Variants in PCCB observed in about 807,000 individuals in gnomAD.
PCCB encodes propionyl-CoA carboxylase subunit beta.
PCCB carries 43 observed loss-of-function variants against 60.7 expected under a neutral mutation model. The ratio of observed to expected loss-of-function variants is 0.71; its 90% CI spans 0.55 to 0.91. The LOEUF is 0.91. Among genes scored for constraint, PCCB ranks in the 40% least tolerant of loss-of-function variants. The pLI, the probability that PCCB is intolerant of heterozygous loss-of-function variation, is 0.00. For synonymous variants in PCCB, 276 were observed against 255.9 expected (o/e 1.08, Z -0.75); for missense variants, 766 against 702.8 (o/e 1.09, Z -1.02).
At chr3:136,298,614 C>A (rs1030789067) in intron 8 of PCCB, among the ~76,000 whole-genome samples, 1 of 152,198 alleles carries the variant, frequency 6.6e-6, no homozygotes, top group African/African-American at 2.4e-5. Context: ...TAGCCAGAGG[C>A]TGGGACAGTC....
intron 6 of PCCB, among the ~76,000 whole-genome samples, chr3:136,286,609 C>T (rs1933420960): frequency 6.6e-6 from 1 of 152,216 alleles, no homozygotes; most frequent in Non-Finnish European, 1.5e-5. Context: ...GTTGGCTTTA[C>T]TTTAGAATAT....
Position 136,315,110 on chromosome 3 carries a change from A to C in PCCB, c.967-1831A>C, listed in dbSNP as rs199597392. 4.6e-5 allele frequency among the ~76,000 whole-genome samples: 7 copies of C among 152,360 alleles called. No individual in the cohort carries two copies. The East Asian group carries it at 1.2e-3, about 25-fold the overall frequency. On this transcript the variant is annotated intron_variant, in intron 9 of 14. Transcript: ENST00000251654. ...AAGACAAAGATGGAGGGGGAAAGTT[A>C]AAGGAGCCTAAAGAGATATAACCAC... is the stretch of plus-strand genomic sequence containing the variant.
chr3:136,276,453 T>G (rs980612321), intron 5 of PCCB, among the ~76,000 whole-genome samples: 2 of 152,176 alleles, frequency 1.3e-5, no homozygotes, highest in Non-Finnish European at 2.9e-5. Flanking sequence ...CCAGACTCGC[T>G]CCTGCCCTAG....
At chr3:136,307,748 A>G (rs1372398967) in intron 9 of PCCB, among the ~76,000 whole-genome samples, 1 of 151,832 alleles carries the variant, frequency 6.6e-6, no homozygotes. Flanking sequence ...GGCTGAGGCG[A>G]GCAGATCACC....
At chr3:136,251,042 G>A (rs181512535) in intron 1 of PCCB, among the ~76,000 whole-genome samples, 1 of 152,322 alleles carries the variant, frequency 6.6e-6, no homozygotes, top group East Asian at 1.9e-4. Flanking sequence ...AATGGGGGAT[G>A]TGCGCGTGCA....
intron 1 of PCCB, among the ~76,000 whole-genome samples, chr3:136,253,636 C>T (rs1354509663): frequency 4.0e-5 from 6 of 150,706 alleles, no homozygotes; most frequent in Admixed American, 6.6e-5. Context: ...CCTCCCATCT[C>T]GGCCTCCCAA....
intron 10 of PCCB, chr3:136,326,399 G>A (rs1321703163): frequency 1.4e-6 from 1 of 702,772 alleles, no homozygotes; most frequent in East Asian, 2.7e-5. Flanking sequence ...AGGAACCTTA[G>A]GTCAAAAGGC....
At chr3:136,311,401 G>T (rs1260420698) in intron 9 of PCCB, among the ~76,000 whole-genome samples, 1 of 152,062 alleles carries the variant, frequency 6.6e-6, no homozygotes, top group Non-Finnish European at 1.5e-5. Flanking sequence ...ACCCAGGATG[G>T]AGTGCAGTGA....
rs982512877 is a variant in PCCB, at chr3:136,298,043, G to A, written c.855G>A (p.Pro285=). The A allele has an allele frequency of 8.7e-6, 14 of 1,613,990 alleles. No individual in the cohort carries two copies. The African/African-American group carries it at 9.3e-5, about 11-fold the overall frequency. Reference sequence around the variant, plus strand: ...ACCTGCCCCTGAGCAGTCAGGACCCGGCTCCCGTCCGTGAGTGCCACGATC... The same window carrying A: ...ACCTGCCCCTGAGCAGTCAGGACCCAGCTCCCGTCCGTGAGTGCCACGATC... ...FNYLPLSSQD[P]APVRECHDPS... The change falls in exon 8 of 15, where the codon CCG becomes CCA. Residue 285 remains proline, a synonymous_variant. Coordinates refer to ENST00000251654, the MANE Select transcript of PCCB (RefSeq NM_000532.5).
intron 7 of PCCB, 115 bp from the exon 8 acceptor site, chr3:136,297,837 G>A: frequency 8.9e-7 from 1 of 1,121,698 alleles, no homozygotes; most frequent in Non-Finnish European, 1.4e-6. Flanking sequence ...AGAGAACAGA[G>A]CTATCAGCAC....
At chr3:136,256,366 T>A in intron 2 of PCCB, 189 bp from the exon 3 acceptor site, 1 of 631,474 alleles carries the variant, frequency 1.6e-6, no homozygotes, top group East Asian at 2.8e-5. Flanking sequence ...CTCCTATTGA[T>A]GAAGTAGTAG....
chr3:136,300,980 G>T, intron 8 of PCCB, 50 bp from the exon 9 acceptor site: 7 of 1,394,780 alleles, frequency 5.0e-6, no homozygotes, highest in Non-Finnish European at 7.1e-6. Flanking sequence ...CCCACAAAAG[G>T]TAACTGGCTC....
chr3:136,280,339 G>A (rs916871669), intron 5 of PCCB, among the ~76,000 whole-genome samples: 2 of 152,040 alleles, frequency 1.3e-5, no homozygotes, highest in South Asian at 2.1e-4. Flanking sequence ...CAGTTATTTT[G>A]TTTCAATACT....
At chr3:136,329,806 C>T in intron 14 of PCCB, 99 bp from the exon 15 acceptor site, 1 of 1,344,828 alleles carries the variant, frequency 7.4e-7, no homozygotes, top group South Asian at 1.2e-5. Context: ...ACTGCTTATA[C>T]TGCTGGCCCC....
intron 5 of PCCB, among the ~76,000 whole-genome samples, chr3:136,280,571 C>T (rs146776070): frequency 5.1e-4 from 77 of 152,346 alleles, no homozygotes; most frequent in African/African-American, 1.8e-3. Context: ...GTCTCAAACT[C>T]GTAGACTCAA....
At chr3:136,269,378 T>C (rs930727282) in intron 5 of PCCB, among the ~76,000 whole-genome samples, 4 of 152,230 alleles carry the variant, frequency 2.6e-5, no homozygotes, top group Admixed American at 2.0e-4. Context: ...TATGTTGATC[T>C]TGTATACTGC....
chr3:136,292,583 A>T (rs1475965370), intron 6 of PCCB, among the ~76,000 whole-genome samples: 1 of 152,230 alleles, frequency 6.6e-6, no homozygotes. Flanking sequence ...CTATACTGAT[A>T]TGGAATAGAA....
At chr3:136,298,137 A>G in intron 8 of PCCB, 65 bp downstream of exon 8, 1 of 1,605,064 alleles carries the variant, frequency 6.2e-7, no homozygotes, top group Admixed American at 1.7e-5. Flanking sequence ...CTGCCCTGAC[A>G]GGACCCCCAG....
Position 136,260,507 on chromosome 3 carries a change from CAGG to C in PCCB, c.404_406del (p.Gly135del). The stretch of plus-strand genomic sequence containing the variant: ...TTTACAGTTTTTGGAGGCAGTCTGT[CAGG>C]AGCACATGCCCAAAAGATCTGCAAA... On this transcript the variant is annotated inframe_deletion, in exon 4 of 15. Transcript: ENST00000251654. 1 of 1,613,670 alleles carries C rather than the reference CAGG, an allele frequency of 6.2e-7. No individual in the cohort carries two copies. The highest frequency in any genetic ancestry group is 2.2e-5 in the East Asian group (1 of 44,886).
Sources: allele counts gnomAD v4.1 joint callset (sites outside exome capture counted in the v4.1 genomes callset), GRCh38; gene constraint gnomAD v4.1.1; transcripts MANE v1.5; gene names NCBI Gene and HGNC (gene_info 2026-07-23, HGNC 2026-07-21).